Variants in NR5A2 observed in about 807,000 individuals in gnomAD.
The protein encoded by NR5A2 is CYP7A promoter-binding factor.
In NR5A2, 26 loss-of-function variants were observed where a neutral mutation model predicts 62.7. That is an observed-to-expected ratio of 0.41 (90% CI 0.30 to 0.58). NR5A2 has a LOEUF of 0.58. Ranked by LOEUF, NR5A2 falls within the 20% of genes least tolerant of loss-of-function variation. The pLI is 0.22. For synonymous variants in NR5A2, 246 were observed against 241.7 expected (o/e 1.02, Z -0.16); for missense variants, 541 against 669.1 (o/e 0.81, Z 2.11).
chr1:200,076,906 A>T (rs1664067319), intron 5 of NR5A2, among the ~76,000 whole-genome samples: 2 of 152,220 alleles, frequency 1.3e-5, no homozygotes, highest in African/African-American at 2.4e-5. Context: ...ATTAATTTGT[A>T]TAAATTAAAT....
intron 2 of NR5A2, among the ~76,000 whole-genome samples, chr1:200,041,374 G>C (rs1035226096): frequency 2.0e-5 from 3 of 152,170 alleles, no homozygotes; most frequent in Admixed American, 6.5e-5. Context: ...TCAGCCCATG[G>C]TTCGAAATCA....
At chr1:200,144,561 T>A (rs190034042) in intron 7 of NR5A2, among the ~76,000 whole-genome samples, 35 of 152,302 alleles carry the variant, frequency 2.3e-4, no homozygotes, top group Admixed American at 2.0e-3. Flanking sequence ...GGAAAGAATT[T>A]CCCTCTTCTA....
At chr1:200,075,914 A>ATTTT (rs1664012037) in intron 5 of NR5A2, among the ~76,000 whole-genome samples, 2 of 93,384 alleles carry the variant, frequency 2.1e-5, no homozygotes, top group Non-Finnish European at 4.7e-5. Flanking sequence ...TTTGTTAAGA[A>ATTTT]ACAATAGTGT....
chr1:200,042,922 G>C, intron 2 of NR5A2: 2 of 985,486 alleles, frequency 2.0e-6, no homozygotes, highest in Non-Finnish European at 2.4e-6. Context: ...GCCGCGCGTC[G>C]TGGCGGCCTG....
intron 1 of NR5A2, among the ~76,000 whole-genome samples, chr1:200,036,248 CAAAT>C (rs750275196): frequency 5.3e-5 from 8 of 152,182 alleles, no homozygotes; most frequent in Non-Finnish European, 1.0e-4. Flanking sequence ...GAACCATTCT[CAAAT>C]AACCCATCTT....
At chr1:200,127,687 A>T (rs1666767408) in intron 7 of NR5A2, among the ~76,000 whole-genome samples, 2 of 56,302 alleles carry the variant, frequency 3.6e-5, no homozygotes, top group African/African-American at 1.3e-4. Flanking sequence ...AAAAAAAAAA[A>T]AAAAAAAAAA....
At chr1:200,170,871 A>G (rs765257789) in intron 7 of NR5A2, among the ~76,000 whole-genome samples, 1 of 152,244 alleles carries the variant, frequency 6.6e-6, no homozygotes, top group African/African-American at 2.4e-5. Context: ...ATTTTTGAAA[A>G]TCAGTTTCTA....
chr1:200,050,477 G>T (rs1662577999), intron 5 of NR5A2, among the ~76,000 whole-genome samples: 1 of 152,228 alleles, frequency 6.6e-6, no homozygotes, highest in South Asian at 2.1e-4. Context: ...TGGGAGCACA[G>T]ATGTAACTAC....
In NR5A2 at chr1:200,147,645, G is replaced by T; in HGVS notation, c.1379-26318G>T. The stretch of plus-strand genomic sequence containing the variant: ...GCCGCAGCTTGCCCTGGATCTTGTC[G>T]ATTGAGTTGAAGTCGGACACGTGGA... On this transcript the variant is annotated intron_variant, in intron 7 of 7. Transcript: ENST00000367362. The surrounding 1 kb of genome is among the most constrained non-coding windows in gnomAD (Gnocchi z 4.9). 1 of 706,594 alleles carries T rather than the reference G, an allele frequency of 1.4e-6. No homozygotes were observed. Among genetic ancestry groups the T allele is most frequent in the Non-Finnish European group, 2.7e-6 (1 of 376,196 alleles). 43.8% of individuals were successfully genotyped at this position (706,594 alleles called of 1,614,324 possible).
intron 7 of NR5A2, among the ~76,000 whole-genome samples, chr1:200,135,757 A>G (rs899478138): frequency 6.6e-6 from 1 of 152,198 alleles, no homozygotes; most frequent in Non-Finnish European, 1.5e-5. Context: ...GGTTACATGC[A>G]ATAATTATTA....
At position 200,102,135 on chromosome 1, in the gene NR5A2, T is replaced by C. The variant is rs186407085; in HGVS notation, c.1111-9067T>C. 3.4e-4 allele frequency among the ~76,000 whole-genome samples: 52 copies of C among 152,374 alleles called. No homozygotes were observed. The South Asian group carries it at 5.6e-3, about 16-fold the overall frequency. On this transcript the variant is annotated intron_variant, in intron 5 of 7. Coordinates refer to ENST00000367362, the MANE Select transcript of NR5A2 (RefSeq NM_205860.3). ...TGTTACATTTAACATCCCTGGGGACTAGGTATATCGTGTATACCATGCGGA... is the reference window on the plus strand; with the variant it reads ...TGTTACATTTAACATCCCTGGGGACCAGGTATATCGTGTATACCATGCGGA...
chr1:200,057,152 C>T (rs1003525168), intron 5 of NR5A2, among the ~76,000 whole-genome samples: 4 of 152,158 alleles, frequency 2.6e-5, no homozygotes, highest in Admixed American at 6.5e-5. Context: ...TTCAGTAATA[C>T]AAGTCCTTTA....
rs1664902631 is a variant in NR5A2, at chr1:200,093,188, G to A, written c.1111-18014G>A. Among the ~76,000 whole-genome samples, 4 of 152,256 alleles carry A rather than the reference G, an allele frequency of 2.6e-5. No individual in the cohort carries two copies. In the South Asian group the frequency reaches 8.3e-4, roughly 32 times the overall value. ...CAAAGTGCTGGGATTACAGGCATGA[G>A]CCACCACACCCGGCCAACATAGGTC... On this transcript the variant is annotated intron_variant, in intron 5 of 7. Transcript: ENST00000367362.
chr1:200,029,057 GA>G (rs1385215593), intron 1 of NR5A2: 2 of 448,406 alleles, frequency 4.5e-6, no homozygotes, highest in Non-Finnish European at 9.0e-6. Flanking sequence ...ACAGGCACAA[GA>G]AAGATGAGAG....
chr1:200,154,892 A>C (rs1455294072), intron 7 of NR5A2, among the ~76,000 whole-genome samples: 1 of 152,160 alleles, frequency 6.6e-6, no homozygotes, highest in Admixed American at 6.5e-5. Context: ...CTCTCTCAGA[A>C]GCTTAAAAAG....
chr1:200,134,432 A>G (rs1667125707), intron 7 of NR5A2, among the ~76,000 whole-genome samples: 2 of 152,210 alleles, frequency 1.3e-5, no homozygotes, highest in African/African-American at 4.8e-5. Context: ...TAGATGCACA[A>G]ATATTCACTG....
intron 5 of NR5A2, among the ~76,000 whole-genome samples, chr1:200,099,211 T>C (rs1028265762): frequency 3.3e-5 from 5 of 152,258 alleles, no homozygotes; most frequent in Admixed American, 2.0e-4. Context: ...CCTTTACCTC[T>C]GCCCTAATTT....
intron 1 of NR5A2, among the ~76,000 whole-genome samples, chr1:200,031,804 T>C (rs1242764232): frequency 6.6e-6 from 1 of 152,022 alleles, no homozygotes; most frequent in East Asian, 1.9e-4. Flanking sequence ...GGTCCCGAAA[T>C]CCTGACCTCA....
intron 5 of NR5A2, among the ~76,000 whole-genome samples, chr1:200,088,294 G>T (rs1056688162): frequency 2.0e-5 from 3 of 151,364 alleles, no homozygotes; most frequent in African/African-American, 7.3e-5. Context: ...ACTTGCTCTT[G>T]TTGCCCAGGC....
Sources: gnomAD v4.1 joint callset for allele counts (sites outside exome capture counted in the v4.1 genomes callset) on GRCh38, gnomAD v4.1.1 for gene constraint, Gnocchi (gnomAD v3.1) non-coding constraint, MANE v1.5 for transcripts, NCBI Gene and HGNC (gene_info 2026-07-23, HGNC 2026-07-21) for gene names.